PDE8B: variants seen among roughly 807,000 people sequenced by gnomAD.
PDE8B encodes the protein high affinity cAMP-specific and IBMX-insensitive 3',5'-cyclic phosphodiesterase 8B.
Under a neutral mutation model 101.3 loss-of-function variants are expected in PDE8B, and 26 were observed. The ratio of observed to expected loss-of-function variants is 0.26; its 90% CI spans 0.19 to 0.36. The LOEUF is 0.36. PDE8B is among the 10% of genes least tolerant of loss of function. PDE8B has a pLI of 1.00. For synonymous variants in PDE8B, 424 were observed against 429.3 expected (o/e 0.99, Z 0.15); for missense variants, 810 against 1,163.1 (o/e 0.70, Z 4.42).
At chr5:77,165,328 A>G in the PDE8B span, 2 of 152,214 alleles carry the variant, frequency 1.3e-5, no homozygotes, top group African/African-American at 4.8e-5. Flanking sequence ...TCTAACAACC[A>G]TCTTGAAAAA....
At chr5:77,402,039 G>A (rs1792392867) in intron 11 of PDE8B, among the ~76,000 whole-genome samples, 1 of 152,066 alleles carries the variant, frequency 6.6e-6, no homozygotes, top group Non-Finnish European at 1.5e-5. Flanking sequence ...GGAATTCTTG[G>A]TTCTTGAATC....
At chr5:77,205,501 T>C (rs954584935), upstream of PDE8B, among the ~76,000 whole-genome samples, 3 of 152,180 alleles carry the variant, frequency 2.0e-5, no homozygotes, top group Non-Finnish European at 4.4e-5. Flanking sequence ...AGGCATTCGT[T>C]TCTCTGTCTC....
chr5:77,296,131 CTCT>C (rs1348596090), intron 1 of PDE8B, among the ~76,000 whole-genome samples: 3 of 151,600 alleles, frequency 2.0e-5, no homozygotes. Flanking sequence ...ACCTGTCCTC[CTCT>C]TCTTCCTCCT....
At chr5:77,232,410 G>T (rs181041661) in intron 1 of PDE8B, among the ~76,000 whole-genome samples, 1 of 152,186 alleles carries the variant, frequency 6.6e-6, no homozygotes, top group East Asian at 1.9e-4. Context: ...CTAGATAGGG[G>T]CATAGATATT....
intron 1 of PDE8B, among the ~76,000 whole-genome samples, chr5:77,246,370 GAA>G (rs1421239319): frequency 6.6e-6 from 1 of 152,188 alleles, no homozygotes. Context: ...CTGAGGTCAG[GAA>G]GAGAAAACAA....
At chr5:77,241,397 T>G (rs1048352266) in intron 1 of PDE8B, among the ~76,000 whole-genome samples, 12 of 152,228 alleles carry the variant, frequency 7.9e-5, no homozygotes, top group Non-Finnish European at 2.9e-5. Context: ...TCAACAGATT[T>G]AAAGTAATTT....
chr5:77,330,778 C>CA (rs1776967871), intron 4 of PDE8B, among the ~76,000 whole-genome samples: 1 of 152,224 alleles, frequency 6.6e-6, no homozygotes, highest in East Asian at 1.9e-4. Context: ...GGCATGTCTT[C>CA]ATGACAAGCC....
chr5:77,260,215 A>G (rs961099584), intron 1 of PDE8B, among the ~76,000 whole-genome samples: 1 of 152,022 alleles, frequency 6.6e-6, no homozygotes, highest in Admixed American at 6.5e-5. Context: ...ATCACACTTA[A>G]TTGTACTGAT....
intron 1 of PDE8B, chr5:77,290,848 C>T (rs1767149012): frequency 6.4e-7 from 1 of 1,554,666 alleles, no homozygotes; most frequent in Non-Finnish European, 8.9e-7. Context: ...GGAGCTCCAA[C>T]CACTTCCCTC....
At chr5:77,238,108 T>C (rs1005496664) in intron 1 of PDE8B, among the ~76,000 whole-genome samples, 3 of 152,224 alleles carry the variant, frequency 2.0e-5, no homozygotes, top group African/African-American at 7.2e-5. Context: ...TTGCTAAGTT[T>C]CTTAAATATA....
At chr5:77,311,344 C>A (rs533224070) in intron 1 of PDE8B, among the ~76,000 whole-genome samples, 24 of 152,342 alleles carry the variant, frequency 1.6e-4, no homozygotes, top group African/African-American at 5.8e-4. Context: ...GAGCCCTATG[C>A]TCACTCCTGG....
At chr5:77,121,539 G>A in the PDE8B span, among the ~76,000 whole-genome samples, 72 of 144,462 alleles carry the variant, frequency 5.0e-4, no homozygotes, top group Admixed American at 1.7e-3. Context: ...ACAGAGTCTC[G>A]CTCTGTTGCC....
intron 1 of PDE8B, among the ~76,000 whole-genome samples, chr5:77,264,842 A>G (rs1297740856): frequency 6.6e-6 from 1 of 152,176 alleles, no homozygotes; most frequent in Non-Finnish European, 1.5e-5. Flanking sequence ...AGGTAAAATA[A>G]CTACCCAGGT....
intron 1 of PDE8B, among the ~76,000 whole-genome samples, chr5:77,263,514 A>G (rs1294378660): frequency 6.6e-6 from 1 of 152,198 alleles, no homozygotes; most frequent in African/African-American, 2.4e-5. Flanking sequence ...ATTTTTCTCT[A>G]CTGAAAAATG....
intron 1 of PDE8B, among the ~76,000 whole-genome samples, chr5:77,255,800 G>T (rs1759022548): frequency 6.6e-6 from 1 of 152,254 alleles, no homozygotes; most frequent in South Asian, 2.1e-4. Context: ...ACTCAGTGGG[G>T]CCTCTCGTCT....
intron 19 of PDE8B, 92 bp downstream of exon 19, chr5:77,419,979 T>C (rs1581610985): frequency 7.0e-7 from 1 of 1,425,476 alleles, no homozygotes; most frequent in East Asian, 2.3e-5. Flanking sequence ...CCCACTCAAA[T>C]GTAAGGTGGT....
At chr5:77,261,322 C>T (rs533660584) in intron 1 of PDE8B, among the ~76,000 whole-genome samples, 3 of 152,212 alleles carry the variant, frequency 2.0e-5, no homozygotes, top group African/African-American at 4.8e-5. Flanking sequence ...GCTCTAATCC[C>T]TTAGGATCTG....
At chr5:77,157,387 A>G in the PDE8B span, among the ~76,000 whole-genome samples, 6,154 of 152,278 alleles carry the variant, frequency 0.04, 199 homozygotes, top group African/African-American at 0.086. Context: ...CAGACATCCC[A>G]GCAGGTGAGA....
At chr5:77,167,541 T>C in the PDE8B span, among the ~76,000 whole-genome samples, 1 of 152,350 alleles carries the variant, frequency 6.6e-6, no homozygotes, top group East Asian at 1.9e-4. Flanking sequence ...GGCACGTCGA[T>C]GCGGAGGGTG....
Sources: gnomAD v4.1 joint callset for allele counts (sites outside exome capture counted in the v4.1 genomes callset) on GRCh38, gnomAD v4.1.1 for gene constraint, MANE v1.5 for transcripts, NCBI Gene and HGNC (gene_info 2026-07-23, HGNC 2026-07-21) for gene names.